The following STXBP6 variants were observed in gnomAD, a reference collection of about 807,000 sequenced individuals.
STXBP6 encodes syntaxin binding protein 6.
In STXBP6, 21 loss-of-function variants were observed where a neutral mutation model predicts 26.9. The ratio of observed to expected loss-of-function variants is 0.78; its 90% confidence interval spans 0.55 to 1.12. STXBP6 has a LOEUF of 1.12. Among genes scored for constraint, STXBP6 ranks in the 50% most tolerant of loss-of-function variants. The probability of loss-of-function intolerance (pLI) is 0.00; values close to 1 mark genes in which losing one functional copy is unlikely to be tolerated. For missense variants in STXBP6, 232 were observed against 257.9 expected (o/e 0.90, Z 0.69); for synonymous variants, 97 against 92.6 (o/e 1.05, Z -0.27).
chr14:25,032,371 G>C (rs1215639543), intron 1 of STXBP6, among the ~76,000 whole-genome samples: 2 of 152,126 alleles, frequency 1.3e-5, no homozygotes, highest in Non-Finnish European at 2.9e-5. Context: ...GTTGTGACTT[G>C]AGCACCCCAA....
intron 1 of STXBP6, among the ~76,000 whole-genome samples, chr14:25,030,507 T>G (rs1264660061): frequency 6.6e-6 from 1 of 152,140 alleles, no homozygotes; most frequent in Admixed American, 6.5e-5. Flanking sequence ...CAAGACACTA[T>G]TCCCTCAAGG....
At chr14:24,894,889 C>CTG (rs2070931715) in intron 2 of STXBP6, among the ~76,000 whole-genome samples, 1 of 48,924 alleles carries the variant, frequency 2.0e-5, no homozygotes, top group African/African-American at 4.3e-5. Flanking sequence ...ATTTCTCTCT[C>CTG]TCTTTTTTTT....
At chr14:24,833,248 C>T (rs909673757) in intron 4 of STXBP6, among the ~76,000 whole-genome samples, 5 of 152,318 alleles carry the variant, frequency 3.3e-5, no homozygotes, top group African/African-American at 1.2e-4. Context: ...CCTCCCCTTT[C>T]ATGAGCTTGG....
At chr14:25,044,673 T>C (rs1312603566) in intron 1 of STXBP6, among the ~76,000 whole-genome samples, 1 of 152,248 alleles carries the variant, frequency 6.6e-6, no homozygotes. Flanking sequence ...TGGAGTGCAG[T>C]GGCACGATCA....
At position 24,920,877 on chromosome 14, in the gene STXBP6, C is replaced by G. The variant is rs145655664; in HGVS notation, c.154+53788G>C. ...TTCTGTTTCACTTGTTTCTGGGAAA[C>G]AGGAAAACCAGCTCAGTTATCAGGA... On this transcript the variant is annotated intron_variant, in intron 2 of 5. Transcript: ENST00000323944. Among the ~76,000 whole-genome samples the G allele has an allele frequency of 2.1e-3, 324 of 152,190 alleles. 1 individual carries two copies. Among genetic ancestry groups the G allele is most frequent in the African/African-American group, 7.2e-3 (300 of 41,534 alleles).
Position 24,970,675 on chromosome 14 carries a change from G to A in STXBP6, c.154+3990C>T, listed in dbSNP as rs75859949. 4.2e-3 allele frequency among the ~76,000 whole-genome samples: 639 copies of A among 152,196 alleles called. 12 individuals are homozygous for A. The East Asian group carries it at 0.045, about 11-fold the overall frequency. On this transcript the variant is annotated intron_variant, in intron 2 of 5. Coordinates refer to ENST00000323944, the MANE Select transcript of STXBP6 (RefSeq NM_001394410.1). ...GGTTTGGGTTATTATGAATGAGACT[G>A]TTATAAATACTTGTGTATAAGTCTT...
chr14:24,889,052 T>C (rs1193433412), intron 2 of STXBP6, among the ~76,000 whole-genome samples: 2 of 151,942 alleles, frequency 1.3e-5, no homozygotes, highest in East Asian at 3.9e-4. Flanking sequence ...ATCATGAAGA[T>C]GGTGACATCA....
chr14:24,832,788 C>T (rs2138927334), intron 4 of STXBP6, among the ~76,000 whole-genome samples: 1 of 152,244 alleles, frequency 6.6e-6, no homozygotes, highest in African/African-American at 2.4e-5. Context: ...AAAGAATGAC[C>T]AACCAACTGT....
chr14:24,916,430 C>T (rs188860434), intron 2 of STXBP6, among the ~76,000 whole-genome samples: 26 of 152,242 alleles, frequency 1.7e-4, no homozygotes, highest in African/African-American at 6.3e-4. Context: ...ATCAGACACA[C>T]ATAAATTTGG....
At chr14:25,047,657 C>A (rs889824717) in intron 1 of STXBP6, among the ~76,000 whole-genome samples, 7 of 152,356 alleles carry the variant, frequency 4.6e-5, no homozygotes, top group Non-Finnish European at 7.3e-5. Flanking sequence ...CCAGATGATT[C>A]TGATCTGAGA....
In STXBP6 at chr14:25,039,587, A is replaced by G. The variant is rs549935982; in HGVS notation, c.-33+10291T>C. Among the ~76,000 whole-genome samples the G allele has an allele frequency of 8.3e-4, 126 of 152,342 alleles. 1 individual carries two copies. Among genetic ancestry groups the G allele is most frequent in the Admixed American group, 2.2e-3 (33 of 15,312 alleles). ...TGCTTGGAACACTAAGGCTGGACCC[A>G]CGGAGACTTGGCTCCTCTACAGCAT... On this transcript the variant is annotated intron_variant, in intron 1 of 5. Transcript: ENST00000323944.
intron 2 of STXBP6, among the ~76,000 whole-genome samples, chr14:24,931,939 A>T (rs2072427414): frequency 6.6e-6 from 1 of 152,194 alleles, no homozygotes; most frequent in African/African-American, 2.4e-5. Context: ...CTAAAAGGAA[A>T]GCTTGGTATT....
intron 3 of STXBP6, 50 bp downstream of exon 3, chr14:24,856,977 G>C: frequency 6.3e-7 from 1 of 1,594,952 alleles, no homozygotes; most frequent in Non-Finnish European, 8.6e-7. Flanking sequence ...CAATCAGAGA[G>C]TCATCTTGTG....
chr14:24,882,462 T>C (rs2070409561), intron 2 of STXBP6, among the ~76,000 whole-genome samples: 1 of 146,006 alleles, frequency 6.8e-6, no homozygotes, highest in Non-Finnish European at 1.5e-5. Flanking sequence ...TTCCTTAACC[T>C]TGAGATGCTT....
intron 4 of STXBP6, among the ~76,000 whole-genome samples, chr14:24,851,484 G>T (rs370613702): frequency 6.7e-6 from 1 of 149,318 alleles, no homozygotes; most frequent in Admixed American, 6.8e-5. Flanking sequence ...GAGAACATGC[G>T]GTGTTTGGTT....
intron 2 of STXBP6, among the ~76,000 whole-genome samples, chr14:24,888,433 G>A (rs2070667132): frequency 6.6e-6 from 1 of 152,178 alleles, no homozygotes; most frequent in Non-Finnish European, 1.5e-5. Context: ...AGCTAAGATA[G>A]AAAAAATGGG....
chr14:24,925,628 A>G (rs2072135493), intron 2 of STXBP6, among the ~76,000 whole-genome samples: 1 of 152,208 alleles, frequency 6.6e-6, no homozygotes, highest in South Asian at 2.1e-4. Flanking sequence ...TCAACTCCAT[A>G]GGATTTTTGA....
intron 2 of STXBP6, 101 bp from the exon 3 acceptor site, chr14:24,857,258 A>C (rs1207826845): frequency 1.4e-6 from 2 of 1,469,916 alleles, no homozygotes; most frequent in Non-Finnish European, 1.9e-6. Flanking sequence ...TATATGCACA[A>C]TAACAGAGAG....
chr14:24,961,114 A>G (rs1300722749), intron 2 of STXBP6, among the ~76,000 whole-genome samples: 1 of 152,204 alleles, frequency 6.6e-6, no homozygotes, highest in Admixed American at 6.5e-5. Flanking sequence ...CAATTTTCCT[A>G]ATATGGCATT....
Sources: gnomAD v4.1 joint callset for allele counts (sites outside exome capture counted in the v4.1 genomes callset) on GRCh38, gnomAD v4.1.1 for gene constraint, MANE v1.5 for transcripts, NCBI Gene and HGNC (gene_info 2026-07-23, HGNC 2026-07-21) for gene names.